ZNF765: variants seen among roughly 807,000 people sequenced by gnomAD.
ZNF765 encodes the protein zinc finger protein 765.
A neutral mutation model predicts 44.7 loss-of-function variants in ZNF765; 37 were observed. The ratio of observed to expected loss-of-function variants is 0.83; its 90% CI spans 0.64 to 1.09. The LOEUF (loss-of-function observed/expected upper bound fraction) is 1.09, where lower values mean the gene tolerates loss of function less well. Ranked by LOEUF, ZNF765 falls within the 50% of genes least tolerant of loss-of-function variation. The pLI, the probability that ZNF765 is intolerant of heterozygous loss-of-function variation, is 0.00. For synonymous variants in ZNF765, 201 were observed against 213.7 expected (o/e 0.94, Z 0.52); for missense variants, 594 against 626.1 (o/e 0.95, Z 0.55).
chr19:53,413,357 T>C (rs892169941), downstream of ZNF765: 13 of 576,058 alleles, frequency 2.3e-5, no homozygotes, highest in South Asian at 1.8e-4. Flanking sequence ...GAATTGCACG[T>C]GAGATGGCAC....
intron 3 of ZNF765, among the ~76,000 whole-genome samples, chr19:53,405,079 C>T (rs184453378): frequency 4.6e-5 from 7 of 152,058 alleles, no homozygotes; most frequent in Admixed American, 2.6e-4. Context: ...TGGCCGGGCA[C>T]GGTGGCTCAA....
chr19:53,407,834 T>C lies in ZNF765; in HGVS notation c.279T>C (p.Asp93=), dbSNP rs777317875. 6.2e-7 allele frequency: 1 copy of C among 1,613,564 alleles called. No homozygotes were observed. The highest frequency in any genetic ancestry group is 2.2e-5 in the East Asian group (1 of 44,872). The change falls in exon 4 of 4, where the codon GAT becomes GAC. Residue 93 remains aspartate (D), a synonymous_variant. Coordinates refer to ENST00000396408, the MANE Select transcript of ZNF765 (RefSeq NM_001040185.3). Reference sequence around the variant, plus strand: ...TTTGTTTCCAGGATATTGATAAAGATATTCATGACATTGAGTTTCAGTGGC... The same window carrying C: ...TTTGTTTCCAGGATATTGATAAAGACATTCATGACATTGAGTTTCAGTGGC... The part of the protein sequence containing the change: ...GDFCFQDIDK[D]IHDIEFQWQE...
At chr19:53,414,882 CAG>C (rs891840583), downstream of ZNF765, among the ~76,000 whole-genome samples, 3 of 152,008 alleles carry the variant, frequency 2.0e-5, no homozygotes, top group East Asian at 1.9e-4. Context: ...AATGTGTAAA[CAG>C]GGAGTGCTGC....
At chr19:53,414,809 G>A (rs2085865123), downstream of ZNF765, among the ~76,000 whole-genome samples, 1 of 150,846 alleles carries the variant, frequency 6.6e-6, no homozygotes, top group African/African-American at 2.4e-5. Flanking sequence ...TGCTCAATCA[G>A]TGTGATCCAC....
At chr19:53,406,488 G>T (rs2085777755) in intron 3 of ZNF765, among the ~76,000 whole-genome samples, 1 of 152,140 alleles carries the variant, frequency 6.6e-6, no homozygotes, top group African/African-American at 2.4e-5. Context: ...AATTTTGCAT[G>T]TTGTATAAAT....
chr19:53,396,249 A>AAGG (rs2085669039), intron 1 of ZNF765, among the ~76,000 whole-genome samples: 1 of 150,012 alleles, frequency 6.7e-6, no homozygotes, highest in African/African-American at 2.5e-5. Flanking sequence ...AGTGGGGATG[A>AAGG]GGGTATAACA....
chr19:53,409,500 A>G lies in ZNF765; in HGVS notation c.*373A>G, dbSNP rs1568782484. 1.7e-5 allele frequency: 17 copies of G among 978,674 alleles called. No individual in the cohort carries two copies. Among genetic ancestry groups the G allele is most frequent in the Admixed American group, 3.5e-5 (2 of 57,772 alleles). The allele number at this position is 978,674 out of a possible 1,614,324, so 60.6% of individuals were successfully genotyped here. A position where few individuals can be genotyped will look rare whatever the true frequency, so the allele number is the denominator to read the frequency against. Reference sequence around the variant, plus strand: ...CCTTCAGCCAGACCTCATCCCTTACATGCCATTGTAGACTTCGTACTGGAG... The same window carrying G: ...CCTTCAGCCAGACCTCATCCCTTACGTGCCATTGTAGACTTCGTACTGGAG... On this transcript the variant is annotated 3_prime_UTR_variant, in exon 4 of 4. Coordinates refer to ENST00000396408, the MANE Select transcript of ZNF765 (RefSeq NM_001040185.3).
chr19:53,396,273 G>T (rs2927690), intron 1 of ZNF765, among the ~76,000 whole-genome samples: 92,746 of 150,892 alleles, frequency 0.61, 28,886 homozygotes, highest in African/African-American at 0.69. Context: ...AAGAGAGAAT[G>T]TAACAGGGAG....
exon 4 of ZNF765, chr19:53,425,127 G>GA (rs1356225076): frequency 6.6e-6 from 1 of 152,258 alleles, no homozygotes; most frequent in East Asian, 1.9e-4. Context: ...GGGTTGAGCT[G>GA]ACAGCGGCCA....
Position 53,409,664 on chromosome 19 carries a change from AC to A in ZNF765, c.*538del. The A allele has an allele frequency of 1.6e-6, 2 of 1,217,124 alleles. No homozygotes were observed. Among genetic ancestry groups the A allele is most frequent in the Middle Eastern group, 1.9e-4 (1 of 5,228 alleles). 75.4% of individuals were successfully genotyped at this position (1,217,124 alleles called of 1,614,324 possible). ...CCTTTAGTCAGAACTCATACCTTAC[AC>A]GCCATCGTAGACTTCATACTGGAGG... is the stretch of plus-strand genomic sequence containing the variant. On this transcript the variant is annotated 3_prime_UTR_variant, in exon 4 of 4. Coordinates refer to ENST00000396408, the MANE Select transcript of ZNF765 (RefSeq NM_001040185.3).
chr19:53,409,699 C>A lies in ZNF765; in HGVS notation c.*572C>A, dbSNP rs1183090336. ...AGACTTCATACTGGAGGATACCTTA[C>A]AAATGTAATGAGTGTGGCAAGACCT... On this transcript the variant is annotated 3_prime_UTR_variant, in exon 4 of 4. Coordinates refer to ENST00000396408, the MANE Select transcript of ZNF765 (RefSeq NM_001040185.3). The A allele has an allele frequency of 9.5e-7, 1 of 1,050,788 alleles. No homozygotes were observed. The highest frequency in any genetic ancestry group is 1.6e-5 in the African/African-American group (1 of 62,806). The allele number at this position is 1,050,788 out of a possible 1,614,324, so 65.1% of individuals were successfully genotyped here.
At chr19:53,403,360 G>T (rs907938676) in intron 3 of ZNF765, among the ~76,000 whole-genome samples, 3 of 151,066 alleles carry the variant, frequency 2.0e-5, no homozygotes, top group African/African-American at 7.4e-5. Flanking sequence ...TGTATTTATT[G>T]TAGGTTTTTT....
Position 53,411,723 on chromosome 19 carries a change from ATGTT to A in ZNF765, c.*2600_*2603del, listed in dbSNP as rs2085835732. On this transcript the variant is annotated 3_prime_UTR_variant, in exon 4 of 4. Transcript: ENST00000396408. ...TCTATGTTTCTAATCATTTTGATCA[ATGTT>A]TGTAGATTTCAAGGTAAAAACCTCT... 1 of 152,290 alleles carries A rather than the reference ATGTT, an allele frequency of 6.6e-6. No homozygotes were observed. The highest frequency in any genetic ancestry group is 2.4e-5 in the African/African-American group (1 of 41,450). The allele number at this position is 152,290 out of a possible 1,614,324, so 9.4% of individuals were successfully genotyped here.
Position 53,408,640 on chromosome 19 carries a change from A to G in ZNF765, c.1085A>G (p.Lys362Arg). The G allele has an allele frequency of 6.2e-7, 1 of 1,614,014 alleles. No individual in the cohort carries two copies. The highest frequency in any genetic ancestry group is 8.5e-7 in the Non-Finnish European group (1 of 1,179,936). Residue 362 changes from lysine to arginine, a missense_variant, in exon 4 of 4, where the codon AAG becomes AGG. By Grantham distance (26) the Lys-to-Arg change is conservative. This residue lies in a region of ZNF765 where 567 missense variants were observed against 572.6 expected (regional missense o/e 0.99). Transcript: ENST00000396408. ...EKPYKCNECG[K>R]TFSRKSHFTC... is the part of the protein sequence containing the mutation. ...CCTTACAAGTGTAATGAGTGTGGCAAGACCTTTAGTCGGAAGTCACATTTT... is the reference window on the plus strand; with the variant it reads ...CCTTACAAGTGTAATGAGTGTGGCAGGACCTTTAGTCGGAAGTCACATTTT...
chr19:53,400,783 T>TATATATAC lies in ZNF765; in HGVS notation c.16-1281_16-1280insTATATACA, dbSNP rs10664389. On this transcript the variant is annotated intron_variant, in intron 2 of 3. Coordinates refer to ENST00000396408, the MANE Select transcript of ZNF765 (RefSeq NM_001040185.3). ...GTTGACATATATATATATATATATATACACACATACATAAAATGGATTTTC... is the reference window on the plus strand; with the variant it reads ...GTTGACATATATATATATATATATATATATATACACACACATACATAAAATGGATTTTC... 1.0e-3 allele frequency among the ~76,000 whole-genome samples: 128 copies of TATATATAC among 126,740 alleles called. 1 individual carries two copies. Among genetic ancestry groups the TATATATAC allele is most frequent in the Non-Finnish European group, 1.3e-3 (76 of 60,796 alleles). The allele number at this position is 126,740 out of a possible 152,430, so 83.1% of individuals were successfully genotyped here. A position where few individuals can be genotyped will look rare whatever the true frequency, so the allele number is the denominator to read the frequency against.
intron 3 of ZNF765, among the ~76,000 whole-genome samples, chr19:53,417,581 C>T (rs1410157352): frequency 6.6e-6 from 1 of 152,130 alleles, no homozygotes; most frequent in Admixed American, 6.5e-5. Context: ...AGTGCTGCAA[C>T]GAACATACAC....
intron 3 of ZNF765, among the ~76,000 whole-genome samples, chr19:53,407,314 T>G (rs908499484): frequency 5.9e-5 from 9 of 152,240 alleles, no homozygotes; most frequent in Admixed American, 5.9e-4. Flanking sequence ...CATGTGGTCC[T>G]TTAGCATCTA....
chr19:53,397,529 G>A (rs2085683196), intron 1 of ZNF765, among the ~76,000 whole-genome samples: 1 of 152,156 alleles, frequency 6.6e-6, no homozygotes, highest in Admixed American at 6.6e-5. Context: ...ACACAGACGT[G>A]CACAACCATG....
At chr19:53,422,335 A>G (rs2085912246) in intron 3 of ZNF765, among the ~76,000 whole-genome samples, 1 of 152,182 alleles carries the variant, frequency 6.6e-6, no homozygotes, top group Admixed American at 6.5e-5. Flanking sequence ...GAATTTACAC[A>G]AATCATGTCA....
Sources: allele counts gnomAD v4.1 joint callset (sites outside exome capture counted in the v4.1 genomes callset), GRCh38; gene constraint gnomAD v4.1.1; regional missense constraint gnomAD v4.1.1; transcripts MANE v1.5; gene names NCBI Gene and HGNC (gene_info 2026-07-23, HGNC 2026-07-21).